Variants in NCKAP1L observed in about 807,000 individuals in gnomAD.
The protein encoded by NCKAP1L is NCK associated protein 1 like, also known as nck-associated protein 1-like.
Under a neutral mutation model 139.2 loss-of-function variants are expected in NCKAP1L, and 53 were observed. The ratio of observed to expected loss-of-function variants is 0.38; its 90% CI spans 0.31 to 0.48. The LOEUF (loss-of-function observed/expected upper bound fraction) is 0.48. Among genes scored for constraint, NCKAP1L ranks in the 20% least tolerant of loss-of-function variants. The pLI is 0.98. For synonymous variants in NCKAP1L, 468 were observed against 499.7 expected, an observed-to-expected ratio of 0.94 and a Z score of 0.85; for missense variants, 1,151 against 1,381.9, an observed-to-expected ratio of 0.83 and a Z score of 2.65.
chr12:54,545,677 A>T lies in NCKAP1L; in HGVS notation c.*2992A>T, dbSNP rs1957191403. 1 of 152,256 alleles carries T rather than the reference A, an allele frequency of 6.6e-6. No individual in the cohort carries two copies. Among genetic ancestry groups the T allele is most frequent in the Non-Finnish European group, 1.5e-5 (1 of 68,046 alleles). The allele number at this position is 152,256 out of a possible 1,614,324, so 9.4% of individuals were successfully genotyped here. On this transcript the variant is annotated 3_prime_UTR_variant, in exon 31 of 31. Coordinates refer to ENST00000293373, the MANE Select transcript of NCKAP1L (RefSeq NM_005337.5). The stretch of plus-strand genomic sequence containing the variant: ...GTTTGCTTTACTTAGGCCCAAAGGA[A>T]CTAAAGAATGGATATCAGAAATCTC...
At chr12:54,499,202 G>A (rs1300903493) in intron 1 of NCKAP1L, among the ~76,000 whole-genome samples, 153 bp from the exon 2 acceptor site, 1 of 152,314 alleles carries the variant, frequency 6.6e-6, no homozygotes, top group Admixed American at 6.5e-5. Context: ...GGGATTACAG[G>A]TGTGAGCCGC....
chr12:54,519,325 A>G lies in NCKAP1L; in HGVS notation c.1618A>G (p.Thr540Ala). Residue 540 changes from threonine to alanine, a missense_variant, in exon 16 of 31, where the codon ACT (threonine) becomes GCT (alanine). Coordinates refer to ENST00000293373, the MANE Select transcript of NCKAP1L (RefSeq NM_005337.5). ...GCTGGTGGAAACTTCTGATCTGTCT[A>G]CTTTCTGGTATGTCTTGGTTCAGAG... ...KLLVETSDLS[T>A]FCFHLRIFEK... is the part of the protein sequence containing the mutation. 1 of 1,564,662 alleles carries G rather than the reference A, an allele frequency of 6.4e-7. No homozygotes were observed. The highest frequency in any genetic ancestry group is 8.6e-7 in the Non-Finnish European group (1 of 1,166,284).
intron 22 of NCKAP1L, among the ~76,000 whole-genome samples, chr12:54,529,002 T>C (rs991994700): frequency 1.3e-5 from 2 of 152,166 alleles, no homozygotes; most frequent in Non-Finnish European, 2.9e-5. Context: ...TGTTTAATAA[T>C]AACGATGATG....
At chr12:54,503,451 A>C (rs1283759430) in intron 3 of NCKAP1L, among the ~76,000 whole-genome samples, 1 of 152,084 alleles carries the variant, frequency 6.6e-6, no homozygotes, top group African/African-American at 2.4e-5. Flanking sequence ...AAAAGGAAAC[A>C]AATGCAAAGA....
intron 3 of NCKAP1L, chr12:54,500,859 G>C: frequency 6.0e-6 from 2 of 332,044 alleles, no homozygotes; most frequent in Non-Finnish European, 5.5e-6. Flanking sequence ...TAAATATCTA[G>C]GAAAGATCTG....
rs1012973067 is a variant in NCKAP1L, at chr12:54,510,122, G to A, written c.735+137G>A. ...CTTCTAGGGTATGTCTCTAAGTTGA[G>A]CACTTCTTGTAGCTAAAAAATCATG... On this transcript the variant is annotated intron_variant, in intron 7 of 30. Transcript: ENST00000293373. The A allele has an allele frequency of 2.5e-6, 3 of 1,222,182 alleles. No individual in the cohort carries two copies. In the African/African-American group the frequency reaches 4.6e-5, roughly 19 times the overall value. 75.7% of individuals were successfully genotyped at this position (1,222,182 alleles called of 1,614,324 possible). A position where few individuals can be genotyped will look rare whatever the true frequency, so the allele number is the denominator to read the frequency against.
At chr12:54,538,458 A>G (rs998946657) in intron 29 of NCKAP1L, among the ~76,000 whole-genome samples, 1 of 152,168 alleles carries the variant, frequency 6.6e-6, no homozygotes, top group East Asian at 1.9e-4. Context: ...TTGGGAATTG[A>G]CTGGAGAATA....
chr12:54,503,100 G>A (rs1956813928), intron 3 of NCKAP1L, among the ~76,000 whole-genome samples: 1 of 151,514 alleles, frequency 6.6e-6, no homozygotes, highest in Admixed American at 6.6e-5. Context: ...ATTGGATTTA[G>A]TTATGTCTCC....
intron 30 of NCKAP1L, among the ~76,000 whole-genome samples, chr12:54,540,485 G>A (rs1237422003): frequency 6.6e-6 from 1 of 152,208 alleles, no homozygotes; most frequent in Non-Finnish European, 1.5e-5. Flanking sequence ...ACAATACATA[G>A]AGCAGCAGCA....
Position 54,518,979 on chromosome 12 carries a change from A to T in NCKAP1L, c.1479+7A>T. ...GGACTGGTTCCGCCTACAGGTAATG[A>T]TCTGTTCCTGTTAAAGATTCTCATC... is the stretch of plus-strand genomic sequence containing the variant. On this transcript the variant is annotated splice_region_variant and intron_variant, in intron 15 of 30. Coordinates refer to ENST00000293373, the MANE Select transcript of NCKAP1L (RefSeq NM_005337.5). The T allele has an allele frequency of 6.2e-7, 1 of 1,611,928 alleles. No homozygotes were observed. Among genetic ancestry groups the T allele is most frequent in the Non-Finnish European group, 8.5e-7 (1 of 1,178,120 alleles).
chr12:54,531,976 C>T, intron 25 of NCKAP1L, 151 bp downstream of exon 25: 1 of 789,958 alleles, frequency 1.3e-6, no homozygotes, highest in South Asian at 1.9e-5. Context: ...AGTAATTTGG[C>T]AGAGATCCTA....
At chr12:54,499,056 C>T (rs1488142716) in intron 1 of NCKAP1L, among the ~76,000 whole-genome samples, 1 of 151,782 alleles carries the variant, frequency 6.6e-6, no homozygotes, top group African/African-American at 2.4e-5. Context: ...CTCCCAAGTA[C>T]CTGGGACTAC....
intron 1 of NCKAP1L, chr12:54,498,757 G>T: frequency 1.0e-6 from 1 of 984,840 alleles, no homozygotes. Context: ...GGCTTCAGTT[G>T]AGGGGCGGGG....
At position 54,523,451 on chromosome 12, in the gene NCKAP1L, A is replaced by G; in HGVS notation, c.1936A>G (p.Lys646Glu). ...CAAAGCCAAGAACAAGAAAACCAGG[A>G]AGCAGAGGCAGACTCCCAGAAAAGG... is the stretch of plus-strand genomic sequence containing the variant. ...ISKAKNKKTR[K>E]QRQTPRKGEP... The change falls in exon 19 of 31, where the codon AAG (lysine) becomes GAG (glutamate). Residue 646 changes from lysine to glutamate, a missense_variant. Lys to Glu is a moderately conservative substitution (Grantham distance 56). Transcript: ENST00000293373. The G allele has an allele frequency of 6.2e-7, 1 of 1,614,198 alleles. No individual in the cohort carries two copies. Among genetic ancestry groups the G allele is most frequent in the Non-Finnish European group, 8.5e-7 (1 of 1,180,032 alleles).
At position 54,519,173 on chromosome 12, in the gene NCKAP1L, A is replaced by T; in HGVS notation, c.1480-14A>T. 6.4e-7 allele frequency: 1 copy of T among 1,554,768 alleles called. No individual in the cohort carries two copies. Among genetic ancestry groups the T allele is most frequent in the Non-Finnish European group, 8.6e-7 (1 of 1,156,798 alleles). On this transcript the variant is annotated splice_polypyrimidine_tract_variant and intron_variant, in intron 15 of 30. Coordinates refer to ENST00000293373, the MANE Select transcript of NCKAP1L (RefSeq NM_005337.5). ...ATCTTATTTTTCTCCACACTTTCCC[A>T]ACTCCAACCGCAGGCATACACTAGC...
Position 54,531,831 on chromosome 12 carries a change from TTGG to T in NCKAP1L, c.2781+10_2781+12del, listed in dbSNP as rs1213054851. 5 of 1,607,140 alleles carry T rather than the reference TTGG, an allele frequency of 3.1e-6. 1 individual carries two copies. The highest frequency in any genetic ancestry group is 3.3e-5 in the Admixed American group (2 of 59,864). ...CCCAAGAGGGACTTCGGGAGGTGAG[TTGG>T]TGGGGAGGGGTCTGTCACAGAGTCA... On this transcript the variant is annotated splice_region_variant and intron_variant, in intron 25 of 30. Coordinates refer to ENST00000293373, the MANE Select transcript of NCKAP1L (RefSeq NM_005337.5).
At chr12:54,527,842 C>A (rs963304219) in intron 21 of NCKAP1L, among the ~76,000 whole-genome samples, 1 of 152,162 alleles carries the variant, frequency 6.6e-6, no homozygotes, top group South Asian at 2.1e-4. Flanking sequence ...ACAGGTACCT[C>A]TTTGCCCAGG....
At chr12:54,499,867 G>A (rs898239474) in intron 2 of NCKAP1L, among the ~76,000 whole-genome samples, 7 of 152,004 alleles carry the variant, frequency 4.6e-5, no homozygotes, top group African/African-American at 1.7e-4. Context: ...CTTATTAAAT[G>A]TTAACCCTAG....
At chr12:54,510,272 GT>G (rs1181591509) in intron 7 of NCKAP1L, 6 of 497,376 alleles carry the variant, frequency 1.2e-5, no homozygotes, top group Non-Finnish European at 2.2e-5. Context: ...ATGAAACAGA[GT>G]CATTAGGCAC....
Sources: allele counts gnomAD v4.1 joint callset (sites outside exome capture counted in the v4.1 genomes callset), GRCh38; gene constraint gnomAD v4.1.1; transcripts MANE v1.5; gene names NCBI Gene and HGNC (gene_info 2026-07-23, HGNC 2026-07-21).